TTC28: variants seen among roughly 807,000 people sequenced by gnomAD.
TTC28 encodes the protein tetratricopeptide repeat protein 28.
In TTC28, 61 loss-of-function variants were observed where a neutral mutation model predicts 198.0. The observed-to-expected ratio is 0.31, with a 90% CI of 0.25 to 0.38. TTC28 has a LOEUF of 0.38. Among genes scored for constraint, TTC28 ranks in the 10% least tolerant of loss-of-function variants. TTC28 has a pLI of 1.00. For synonymous variants in TTC28, 1,171 were observed against 1,297.8 expected, an observed-to-expected ratio of 0.90 and a Z score of 2.10; for missense variants, 2,678 against 3,164.0, an observed-to-expected ratio of 0.85 and a Z score of 3.69.
chr22:28,035,768 T>C (rs1939315036), intron 12 of TTC28, among the ~76,000 whole-genome samples: 2 of 152,200 alleles, frequency 1.3e-5, no homozygotes, highest in African/African-American at 4.8e-5. Context: ...TATTTTTTCT[T>C]ACTGACAATT....
In TTC28 at chr22:28,301,961, C is replaced by A. The variant is rs140615481; in HGVS notation, c.530-4109G>T. On this transcript the variant is annotated intron_variant, in intron 3 of 22. Coordinates refer to ENST00000397906, the MANE Select transcript of TTC28 (RefSeq NM_001145418.2). The stretch of plus-strand genomic sequence containing the variant: ...CTGAGGTGGAAGGATCACCTGAGCC[C>A]GGGAAGGTCGAGGCTGCAGTGAGCC... Among the ~76,000 whole-genome samples, 1,354 of 151,908 alleles carry A rather than the reference C, an allele frequency of 8.9e-3. 9 individuals are homozygous for A. The highest frequency in any genetic ancestry group is 0.015 in the Non-Finnish European group (1,013 of 67,934).
intron 2 of TTC28, among the ~76,000 whole-genome samples, chr22:28,311,719 T>C (rs2045259856): frequency 6.6e-6 from 1 of 152,208 alleles, no homozygotes; most frequent in African/African-American, 2.4e-5. Flanking sequence ...TTGTAGGCTA[T>C]AGTTATCCTG....
intron 2 of TTC28, among the ~76,000 whole-genome samples, chr22:28,589,803 G>A (rs970210203): frequency 3.1e-4 from 47 of 151,902 alleles, no homozygotes; most frequent in African/African-American, 1.1e-3. Context: ...ACTTTGGGAG[G>A]CCAAGGCGGG....
At chr22:28,409,937 T>C (rs2146130835) in intron 2 of TTC28, among the ~76,000 whole-genome samples, 1 of 152,142 alleles carries the variant, frequency 6.6e-6, no homozygotes, top group East Asian at 1.9e-4. Context: ...TGTTTTTTTT[T>C]TTGAGACAGA....
At chr22:28,016,701 G>C (rs996958485) in intron 13 of TTC28, among the ~76,000 whole-genome samples, 4 of 152,150 alleles carry the variant, frequency 2.6e-5, no homozygotes, top group Non-Finnish European at 4.4e-5. Context: ...AAGGCCCTTC[G>C]GCTTTGAACT....
intron 14 of TTC28, among the ~76,000 whole-genome samples, chr22:28,012,376 C>T (rs770280971): frequency 1.3e-5 from 2 of 152,146 alleles, no homozygotes; most frequent in African/African-American, 2.4e-5. Context: ...TGATCGGATC[C>T]GGGAGGCCCA....
At chr22:28,245,731 A>C (rs146587959) in intron 5 of TTC28, among the ~76,000 whole-genome samples, 175 of 152,260 alleles carry the variant, frequency 1.1e-3, no homozygotes, top group African/African-American at 4.0e-3. Context: ...AGCTAATGAG[A>C]CTGCTTTCAA....
chr22:28,178,713 T>C (rs2147099436), intron 5 of TTC28, among the ~76,000 whole-genome samples: 1 of 152,360 alleles, frequency 6.6e-6, no homozygotes. Context: ...TTGTAAAATC[T>C]AAAGCATTTT....
chr22:28,081,674 T>C (rs1263707620), intron 12 of TTC28, among the ~76,000 whole-genome samples: 1 of 152,054 alleles, frequency 6.6e-6, no homozygotes, highest in Non-Finnish European at 1.5e-5. Flanking sequence ...GTACATTTAG[T>C]AGAGACGAGA....
chr22:28,393,161 A>G (rs2046761888), intron 2 of TTC28, among the ~76,000 whole-genome samples: 1 of 152,056 alleles, frequency 6.6e-6, no homozygotes, highest in African/African-American at 2.4e-5. Context: ...GGGAATACCC[A>G]GATGTGAGCC....
At chr22:28,135,149 A>C (rs1478370847) in intron 6 of TTC28, among the ~76,000 whole-genome samples, 1 of 152,050 alleles carries the variant, frequency 6.6e-6, no homozygotes, top group Non-Finnish European at 1.5e-5. Flanking sequence ...GTCTCCTCTG[A>C]CACCACTCTG....
In TTC28 at chr22:28,105,608, C is replaced by T. The variant is rs1942272657; in HGVS notation, c.2978G>A (p.Arg993Gln). 3.9e-6 allele frequency: 6 copies of T among 1,551,710 alleles called. No homozygotes were observed. The highest frequency in any genetic ancestry group is 2.4e-5 in the East Asian group (1 of 40,924). ...ACAGGCTGCGTCACTCTCCAGGGCT[C>T]GGTCTTTCATATCTCTAGCAATGTT... ...QLNIARDMKDRALESDAACGL... is the reference protein window; with the variant it reads ...QLNIARDMKDQALESDAACGL... Residue 993 changes from arginine (R) to glutamine (Q), a missense_variant, in exon 8 of 23, where the codon CGA becomes CAA. By Grantham distance (43) the Arg-to-Gln change is conservative (BLOSUM62 1). Around this residue, in one of 8 missense-constraint regions of TTC28, gnomAD observed 727 missense variants for 861.9 expected, o/e 0.84. Transcript: ENST00000397906.
Position 28,532,969 on chromosome 22 carries a change from T to A in TTC28, c.381+96583A>T, listed in dbSNP as rs544518634. Among the ~76,000 whole-genome samples, 15 of 152,334 alleles carry A rather than the reference T, an allele frequency of 9.8e-5. No homozygotes were observed. The East Asian group carries it at 2.9e-3, about 29-fold the overall frequency. The stretch of plus-strand genomic sequence containing the variant: ...AATGTCATACTGAATGGGCAAAAAC[T>A]GGAAGCATTCCTTTTGAAAACTGGC... On this transcript the variant is annotated intron_variant, in intron 2 of 22. Transcript: ENST00000397906.
At chr22:28,332,517 C>A (rs1162131014) in intron 2 of TTC28, among the ~76,000 whole-genome samples, 1 of 152,068 alleles carries the variant, frequency 6.6e-6, no homozygotes, top group Non-Finnish European at 1.5e-5. Flanking sequence ...TTATTAATGG[C>A]AAATGTTAAA....
At chr22:28,048,178 A>T (rs1315906078) in intron 12 of TTC28, among the ~76,000 whole-genome samples, 1 of 152,022 alleles carries the variant, frequency 6.6e-6, no homozygotes, top group Non-Finnish European at 1.5e-5. Context: ...TGAGGAAGCT[A>T]AAGTGTCCAG....
chr22:28,504,448 A>G (rs1472601103), intron 2 of TTC28, among the ~76,000 whole-genome samples: 3 of 152,118 alleles, frequency 2.0e-5, no homozygotes. Context: ...ATATGTGTGT[A>G]TATGTACACA....
chr22:28,420,486 A>G (rs2047233433), intron 2 of TTC28, among the ~76,000 whole-genome samples: 1 of 149,304 alleles, frequency 6.7e-6, no homozygotes, highest in Admixed American at 6.7e-5. Context: ...TAACTCTTTG[A>G]CCTTTTGTTT....
intron 2 of TTC28, among the ~76,000 whole-genome samples, chr22:28,538,488 T>C (rs575643571): frequency 6.6e-6 from 1 of 152,168 alleles, no homozygotes; most frequent in African/African-American, 2.4e-5. Context: ...AAAAACCAGA[T>C]TGCTGAAAGT....
intron 2 of TTC28, among the ~76,000 whole-genome samples, chr22:28,325,885 T>C (rs545946883): frequency 2.6e-4 from 39 of 152,290 alleles, no homozygotes; most frequent in Non-Finnish European, 4.4e-4. Flanking sequence ...GAAACTCTTA[T>C]ATATTGCTGG....
Sources: allele counts gnomAD v4.1 joint callset (sites outside exome capture counted in the v4.1 genomes callset), GRCh38; gene constraint gnomAD v4.1.1; regional missense constraint gnomAD v4.1.1; transcripts MANE v1.5; gene names NCBI Gene and HGNC (gene_info 2026-07-23, HGNC 2026-07-21).